CLSTN2: variants seen among roughly 807,000 people sequenced by gnomAD.
The protein encoded by CLSTN2 is calsyntenin-2.
In CLSTN2, 48 loss-of-function variants were observed where a neutral mutation model predicts 101.2. The ratio of observed to expected loss-of-function variants is 0.47; its 90% CI spans 0.38 to 0.60. CLSTN2 has a LOEUF of 0.60. Among genes scored for constraint, CLSTN2 ranks in the 20% least tolerant of loss-of-function variants. The pLI is 0.00. For synonymous variants in CLSTN2, 481 were observed against 463.6 expected (o/e 1.04, Z -0.48); for missense variants, 1,160 against 1,238.2 (o/e 0.94, Z 0.95).
intron 2 of CLSTN2, among the ~76,000 whole-genome samples, chr3:140,290,263 G>A (rs1296423287): frequency 6.6e-6 from 1 of 152,176 alleles, no homozygotes; most frequent in Non-Finnish European, 1.5e-5. Flanking sequence ...GTCAGGCACA[G>A]CACTGAGCCC....
At chr3:140,558,498 A>G (rs1381404684) in intron 11 of CLSTN2, 142 bp from the exon 12 acceptor site, 2 of 600,758 alleles carry the variant, frequency 3.3e-6, no homozygotes, top group East Asian at 5.7e-5. Context: ...TTAAATTTGA[A>G]TGTCTGTTGA....
chr3:140,425,665 C>A (rs865814168), intron 5 of CLSTN2, among the ~76,000 whole-genome samples: 1 of 152,152 alleles, frequency 6.6e-6, no homozygotes, highest in Non-Finnish European at 1.5e-5. Context: ...CAGGGTGGGG[C>A]TTATCAAGGG....
chr3:140,117,625 C>T (rs574400466), intron 1 of CLSTN2, among the ~76,000 whole-genome samples: 2 of 152,292 alleles, frequency 1.3e-5, no homozygotes, highest in East Asian at 1.9e-4. Context: ...TTACTGTTGT[C>T]TGCCCCTTTT....
intron 2 of CLSTN2, among the ~76,000 whole-genome samples, chr3:140,242,015 C>G (rs1215547220): frequency 6.6e-6 from 1 of 151,924 alleles, no homozygotes; most frequent in Non-Finnish European, 1.5e-5. Flanking sequence ...TCAAGCGATT[C>G]TCCTGCCTCA....
chr3:140,517,371 C>A (rs1845469), intron 8 of CLSTN2, among the ~76,000 whole-genome samples: 1 of 152,070 alleles, frequency 6.6e-6, no homozygotes, highest in Admixed American at 6.6e-5. Context: ...TGGTGTGATA[C>A]TTTGGGGGTG....
intron 1 of CLSTN2, among the ~76,000 whole-genome samples, chr3:140,088,940 A>G (rs2008723004): frequency 6.6e-6 from 1 of 152,270 alleles, no homozygotes; most frequent in Non-Finnish European, 1.5e-5. Context: ...ATTTGCTAAA[A>G]CTTTATACTT....
chr3:140,171,649 ACG>A (rs1312674042), intron 1 of CLSTN2, among the ~76,000 whole-genome samples: 1 of 44,596 alleles, frequency 2.2e-5, no homozygotes, highest in Non-Finnish European at 4.2e-5. Flanking sequence ...TATATATAAT[ACG>A]TATTATATAT....
chr3:140,223,662 T>C (rs1323748571), intron 2 of CLSTN2, among the ~76,000 whole-genome samples: 1 of 152,230 alleles, frequency 6.6e-6, no homozygotes, highest in African/African-American at 2.4e-5. Context: ...GAGCTTCTGA[T>C]ACTCTGTTTC....
intron 4 of CLSTN2, among the ~76,000 whole-genome samples, chr3:140,407,011 C>G (rs1029884295): frequency 1.3e-5 from 2 of 152,246 alleles, no homozygotes; most frequent in Non-Finnish European, 2.9e-5. Flanking sequence ...GCCTCTGCCT[C>G]TAATGCTGGT....
chr3:140,306,104 C>A (rs79351656), intron 2 of CLSTN2, among the ~76,000 whole-genome samples: 1 of 152,290 alleles, frequency 6.6e-6, no homozygotes, highest in Non-Finnish European at 1.5e-5. Flanking sequence ...ATATCCAGAT[C>A]CTATACATCC....
At chr3:140,517,491 T>A (rs1004725558) in intron 8 of CLSTN2, among the ~76,000 whole-genome samples, 3 of 152,174 alleles carry the variant, frequency 2.0e-5, no homozygotes, top group Non-Finnish European at 4.4e-5. Context: ...CTGTTCAGAT[T>A]TTTTTGTCCC....
chr3:140,057,790 A>G (rs2008123757), intron 1 of CLSTN2, among the ~76,000 whole-genome samples: 1 of 152,236 alleles, frequency 6.6e-6, no homozygotes, highest in Non-Finnish European at 1.5e-5. Flanking sequence ...GATACAAAAT[A>G]TGGATCACAA....
chr3:140,245,894 G>C (rs577431411), intron 2 of CLSTN2, among the ~76,000 whole-genome samples: 1 of 152,254 alleles, frequency 6.6e-6, no homozygotes, highest in South Asian at 2.1e-4. Flanking sequence ...TGTGGCCCAT[G>C]CTCTAGCCTG....
chr3:140,171,949 G>A (rs2010244413), intron 1 of CLSTN2, among the ~76,000 whole-genome samples: 1 of 139,056 alleles, frequency 7.2e-6, no homozygotes, highest in South Asian at 2.2e-4. Flanking sequence ...ATATCACAAA[G>A]TATGAATTTC....
chr3:140,334,674 G>A (rs949147577), intron 2 of CLSTN2, among the ~76,000 whole-genome samples: 2 of 152,180 alleles, frequency 1.3e-5, no homozygotes, highest in Non-Finnish European at 2.9e-5. Flanking sequence ...TGAAAGAAGG[G>A]TCACTAATTT....
rs1433609207 is a variant in CLSTN2 at position 140,419,662 on chromosome 3, C to T, written c.638-1463C>T. On this transcript the variant is annotated intron_variant, in intron 4 of 16. Coordinates refer to ENST00000458420, the MANE Select transcript of CLSTN2 (RefSeq NM_022131.3). ...ACATATATATGTACACGTATATATA[C>T]ATATATGAATATGTATATACGTATA... Among the ~76,000 whole-genome samples the T allele has an allele frequency of 2.6e-3, 138 of 53,234 alleles. 39 individuals carry two copies. Among genetic ancestry groups the T allele is most frequent in the Non-Finnish European group, 3.5e-3 (121 of 34,086 alleles). The allele number at this position is 53,234 out of a possible 152,430, so 34.9% of individuals were successfully genotyped here.
chr3:140,364,117 G>GCAT (rs1183517310), intron 2 of CLSTN2, among the ~76,000 whole-genome samples: 1 of 152,114 alleles, frequency 6.6e-6, no homozygotes, highest in Non-Finnish European at 1.5e-5. Flanking sequence ...CTTTTTTAAT[G>GCAT]AGTCCTCCAT....
chr3:140,337,759 TG>T (rs1302128380), intron 2 of CLSTN2, among the ~76,000 whole-genome samples: 3 of 152,224 alleles, frequency 2.0e-5, no homozygotes, highest in African/African-American at 7.2e-5. Flanking sequence ...AGGGGTGTCA[TG>T]GAAACTGAGA....
intron 9 of CLSTN2, among the ~76,000 whole-genome samples, chr3:140,541,937 C>T (rs1935488056): frequency 6.6e-6 from 1 of 152,118 alleles, no homozygotes; most frequent in Non-Finnish European, 1.5e-5. Flanking sequence ...TTCTCTCTGC[C>T]ATGACCCTCC....
Sources: gnomAD v4.1 joint callset for allele counts (sites outside exome capture counted in the v4.1 genomes callset) on GRCh38, gnomAD v4.1.1 for gene constraint, MANE v1.5 for transcripts, NCBI Gene and HGNC (gene_info 2026-07-23, HGNC 2026-07-21) for gene names.